CASTOR2: variants seen among roughly 807,000 people sequenced by gnomAD.
CASTOR2 encodes the protein GATS protein like 2.
In CASTOR2, 8 loss-of-function variants were observed where a neutral mutation model predicts 31.2. The observed-to-expected ratio is 0.26, with a 90% CI of 0.15 to 0.46. The LOEUF (loss-of-function observed/expected upper bound fraction) is 0.46, where lower values mean the gene tolerates loss of function less well. Ranked by LOEUF, CASTOR2 falls within the 20% of genes least tolerant of loss-of-function variation. The probability of loss-of-function intolerance (pLI) is 0.99; values close to 1 mark genes in which losing one functional copy is unlikely to be tolerated. For synonymous variants in CASTOR2, 162 were observed against 158.7 expected (o/e 1.02, Z -0.16); for missense variants, 216 against 382.1 (o/e 0.57, Z 3.62).
intron 1 of CASTOR2, among the ~76,000 whole-genome samples, chr7:74,988,923 G>T (rs1584463602): frequency 6.7e-6 from 1 of 148,384 alleles, no homozygotes; most frequent in Admixed American, 6.8e-5. Flanking sequence ...TATTACTGTA[G>T]AATATTAGGG....
rs1178084776 is a variant in CASTOR2 at position 75,026,188 on chromosome 7, G to GTTTTTTTTTT, written c.*1489_*1490insTTTTTTTTTT. Among the ~76,000 whole-genome samples, 38 of 113,260 alleles carry GTTTTTTTTTT rather than the reference G, an allele frequency of 3.4e-4. No individual in the cohort carries two copies. Among genetic ancestry groups the GTTTTTTTTTT allele is most frequent in the South Asian group, 5.6e-4 (2 of 3,548 alleles). 74.3% of individuals were successfully genotyped at this position (113,260 alleles called of 152,430 possible). A position where few individuals can be genotyped will look rare whatever the true frequency, so the allele number is the denominator to read the frequency against. ...CCCCTGTGGTTTTGGCTCTGGCGGG[G>GTTTTTTTTTT]GTTTTTTTTTTTTTTTTTGAGATGG... On this transcript the variant is annotated 3_prime_UTR_variant, in exon 9 of 9. Coordinates refer to ENST00000616305, the MANE Select transcript of CASTOR2 (RefSeq NM_001145064.3).
At chr7:74,988,350 T>C (rs1804122469) in intron 1 of CASTOR2, among the ~76,000 whole-genome samples, 1 of 152,008 alleles carries the variant, frequency 6.6e-6, no homozygotes, top group South Asian at 2.1e-4. Context: ...CAGGCTGGAG[T>C]GCAGTGGCGC....
At chr7:75,014,943 A>T (rs1336815107) in intron 2 of CASTOR2, among the ~76,000 whole-genome samples, 2 of 152,208 alleles carry the variant, frequency 1.3e-5, no homozygotes, top group Non-Finnish European at 2.9e-5. Flanking sequence ...GGCCCCTCGG[A>T]GCCCGAAGCC....
chr7:75,016,508 G>A (rs1804867310), intron 2 of CASTOR2, among the ~76,000 whole-genome samples: 3 of 152,320 alleles, frequency 2.0e-5, no homozygotes, highest in African/African-American at 7.2e-5. Context: ...TCTTCTTCCA[G>A]AGAAGCCCAA....
In CASTOR2 at chr7:75,025,195, G is replaced by A. The variant is rs1805093696; in HGVS notation, c.*496G>A. Among the ~76,000 whole-genome samples, 1 of 152,228 alleles carries A rather than the reference G, an allele frequency of 6.6e-6. No homozygotes were observed. The highest frequency in any genetic ancestry group is 2.1e-4 in the South Asian group (1 of 4,834). Reference sequence around the variant, plus strand: ...CTCTGCTTCCATCAGCTCAGGGCTGGTTCCCTCGGAGTGGAGGCCAGCGTG... The same window carrying A: ...CTCTGCTTCCATCAGCTCAGGGCTGATTCCCTCGGAGTGGAGGCCAGCGTG... On this transcript the variant is annotated 3_prime_UTR_variant, in exon 9 of 9. Transcript: ENST00000616305.
chr7:75,009,933 C>A (rs1804699758), intron 2 of CASTOR2, among the ~76,000 whole-genome samples: 1 of 149,810 alleles, frequency 6.7e-6, no homozygotes, highest in Non-Finnish European at 1.5e-5. Flanking sequence ...GCTATGTTGC[C>A]CAGGCTGGAG....
chr7:75,019,237 G>A, intron 5 of CASTOR2, 142 bp downstream of exon 5: 1 of 1,443,040 alleles, frequency 6.9e-7, no homozygotes, highest in Admixed American at 2.0e-5. Flanking sequence ...GAGCTAGTCT[G>A]AGCAGAGAGA....
chr7:75,026,208 A>G lies in CASTOR2; in HGVS notation c.*1509A>G, dbSNP rs1374148274. 5.6e-4 allele frequency among the ~76,000 whole-genome samples: 35 copies of G among 62,118 alleles called. No homozygotes were observed. Among genetic ancestry groups the G allele is most frequent in the African/African-American group, 1.7e-3 (27 of 16,240 alleles). The allele number at this position is 62,118 out of a possible 152,430, so 40.8% of individuals were successfully genotyped here. Reference sequence around the variant, plus strand: ...GCGGGGGTTTTTTTTTTTTTTTTTGAGATGGGAGTCTGGCTCTGTTGCCTA... The same window carrying G: ...GCGGGGGTTTTTTTTTTTTTTTTTGGGATGGGAGTCTGGCTCTGTTGCCTA... On this transcript the variant is annotated 3_prime_UTR_variant, in exon 9 of 9. Transcript: ENST00000616305.
In CASTOR2 at chr7:75,020,158, G is replaced by A; in HGVS notation, c.746+9G>A. On this transcript the variant is annotated intron_variant, in intron 6 of 8. Coordinates refer to ENST00000616305, the MANE Select transcript of CASTOR2 (RefSeq NM_001145064.3). The stretch of plus-strand genomic sequence containing the variant: ...GTGCAGACGCAGCAGAGGTGAGCCA[G>A]GCCCTGGGGTGGACGTTCAACCCAG... The A allele has an allele frequency of 1.3e-6, 2 of 1,551,398 alleles. No homozygotes were observed. The highest frequency in any genetic ancestry group is 1.2e-5 in the South Asian group (1 of 84,054).
chr7:74,995,563 T>C (rs1584467050), intron 1 of CASTOR2, among the ~76,000 whole-genome samples: 2 of 142,816 alleles, frequency 1.4e-5, no homozygotes, highest in Non-Finnish European at 3.0e-5. Flanking sequence ...ATTCCAACAC[T>C]TTGGGAGGCC....
intron 2 of CASTOR2, among the ~76,000 whole-genome samples, chr7:75,016,933 A>C (rs1804876707): frequency 6.6e-6 from 1 of 151,462 alleles, no homozygotes; most frequent in Non-Finnish European, 1.5e-5. Context: ...TTGGGAGGCC[A>C]AGGCAGGAGG....
intron 1 of CASTOR2, among the ~76,000 whole-genome samples, chr7:74,993,319 T>C (rs1804256497): frequency 6.6e-6 from 1 of 152,108 alleles, no homozygotes; most frequent in Non-Finnish European, 1.5e-5. Context: ...AAATGCAGGC[T>C]GGGCCAGTCT....
intron 1 of CASTOR2, among the ~76,000 whole-genome samples, chr7:74,987,550 C>T (rs1473784387): frequency 6.6e-6 from 1 of 152,118 alleles, no homozygotes; most frequent in East Asian, 1.9e-4. Flanking sequence ...GGACAGGTGG[C>T]CCAAGGGAGA....
At chr7:74,967,423 T>C (rs1803589476) in intron 1 of CASTOR2, among the ~76,000 whole-genome samples, 2 of 148,118 alleles carry the variant, frequency 1.4e-5, no homozygotes, top group Admixed American at 1.4e-4. Context: ...AGATTGTTCC[T>C]GCAATCCCTG....
At chr7:74,989,353 C>G (rs1804150170) in intron 1 of CASTOR2, among the ~76,000 whole-genome samples, 2 of 150,316 alleles carry the variant, frequency 1.3e-5, no homozygotes, top group Non-Finnish European at 3.0e-5. Flanking sequence ...ACCTCCTGGG[C>G]TCAAGCAGTC....
intron 7 of CASTOR2, among the ~76,000 whole-genome samples, chr7:75,023,249 A>G (rs2131958354): frequency 6.6e-6 from 1 of 152,118 alleles, no homozygotes; most frequent in East Asian, 2.0e-4. Context: ...CGGAGCTTGC[A>G]GCAAGCCGAG....
Position 75,029,030 on chromosome 7 carries a change from G to A in CASTOR2, c.*4331G>A, listed in dbSNP as rs1338857100. 1.3e-5 allele frequency among the ~76,000 whole-genome samples: 2 copies of A among 152,252 alleles called. No individual in the cohort carries two copies. Among genetic ancestry groups the A allele is most frequent in the Non-Finnish European group, 2.9e-5 (2 of 68,046 alleles). ...TAGCCAGGGTGACATTTGTTCAGCA[G>A]GAGGAGGCTTGGTCTGGAGGGGCTT... On this transcript the variant is annotated 3_prime_UTR_variant, in exon 9 of 9. Transcript: ENST00000616305.
chr7:74,977,859 T>C (rs2131919003), intron 1 of CASTOR2, among the ~76,000 whole-genome samples: 1 of 150,830 alleles, frequency 6.6e-6, no homozygotes, highest in East Asian at 2.0e-4. Context: ...TTGTTTTTTT[T>C]GTAGAGATGG....
chr7:74,975,926 A>G (rs1170644155), intron 1 of CASTOR2, among the ~76,000 whole-genome samples: 2 of 148,422 alleles, frequency 1.3e-5, no homozygotes, highest in Admixed American at 1.4e-4. Context: ...GGAGAGGCCC[A>G]TATGGAGAGG....
Sources: gnomAD v4.1 joint callset for allele counts (sites outside exome capture counted in the v4.1 genomes callset) on GRCh38, gnomAD v4.1.1 for gene constraint, MANE v1.5 for transcripts, NCBI Gene and HGNC (gene_info 2026-07-23, HGNC 2026-07-21) for gene names.